COL14A1: variants seen among roughly 807,000 people sequenced by gnomAD.
The protein encoded by COL14A1 is collagen alpha-1(XIV) chain.
In COL14A1, 136 loss-of-function variants were observed where a neutral mutation model predicts 230.3. The ratio of observed to expected loss-of-function variants is 0.59; its 90% CI spans 0.51 to 0.68. The LOEUF (loss-of-function observed/expected upper bound fraction) is 0.68, where lower values mean the gene tolerates loss of function less well. Among genes scored for constraint, COL14A1 ranks in the 30% least tolerant of loss-of-function variants. COL14A1 has a pLI of 0.00. For synonymous variants in COL14A1, 792 were observed against 784.1 expected (o/e 1.01, Z -0.17); for missense variants, 1,976 against 2,215.8 (o/e 0.89, Z 2.17).
chr8:120,192,380 C>G (rs1816858559), intron 5 of COL14A1, among the ~76,000 whole-genome samples: 1 of 152,156 alleles, frequency 6.6e-6, no homozygotes, highest in Admixed American at 6.5e-5. Flanking sequence ...GGCCCCCACT[C>G]TCTTCTGGCT....
At chr8:120,261,273 G>A (rs1398413456) in intron 23 of COL14A1, among the ~76,000 whole-genome samples, 1 of 152,068 alleles carries the variant, frequency 6.6e-6, no homozygotes, top group Non-Finnish European at 1.5e-5. Context: ...ATTAGAATAA[G>A]GACTTGAAGA....
chr8:120,305,269 C>T (rs902068117), intron 36 of COL14A1, among the ~76,000 whole-genome samples: 19 of 152,060 alleles, frequency 1.2e-4, no homozygotes, highest in Admixed American at 4.6e-4. Flanking sequence ...CGTGAGCCAC[C>T]GCACCTGGCC....
chr8:120,348,245 G>A (rs1047990223), intron 45 of COL14A1, among the ~76,000 whole-genome samples: 1 of 145,178 alleles, frequency 6.9e-6, no homozygotes, highest in Admixed American at 7.0e-5. Flanking sequence ...ATATATATAT[G>A]TATATATATG....
At chr8:120,193,957 C>G (rs180933442) in intron 5 of COL14A1, among the ~76,000 whole-genome samples, 33 of 152,286 alleles carry the variant, frequency 2.2e-4, no homozygotes, top group African/African-American at 6.7e-4. Context: ...TCTGTCACCC[C>G]TTTCTTTGAC....
chr8:120,349,175 C>G (rs914083962), intron 45 of COL14A1, among the ~76,000 whole-genome samples: 3 of 151,946 alleles, frequency 2.0e-5, no homozygotes, highest in Non-Finnish European at 4.4e-5. Flanking sequence ...AGCTGAGGGT[C>G]CTGTCTGTTA....
chr8:120,140,976 G>GC (rs1416575658), intron 1 of COL14A1, among the ~76,000 whole-genome samples: 4 of 152,146 alleles, frequency 2.6e-5, no homozygotes, highest in African/African-American at 9.7e-5. Flanking sequence ...GAACTAAGTA[G>GC]CCATTTCTAA....
At chr8:120,287,498 C>T (rs1299010183) in intron 33 of COL14A1, among the ~76,000 whole-genome samples, 4 of 152,122 alleles carry the variant, frequency 2.6e-5, no homozygotes, top group African/African-American at 7.2e-5. Context: ...GAAACATTGT[C>T]ATTTTAGCCC....
intron 18 of COL14A1, among the ~76,000 whole-genome samples, chr8:120,230,447 C>G (rs1818231395): frequency 6.6e-6 from 1 of 152,104 alleles, no homozygotes; most frequent in Admixed American, 6.6e-5. Context: ...CCTTATCAAG[C>G]CTTCTTTGTG....
chr8:120,146,732 G>T (rs932554611), intron 1 of COL14A1, among the ~76,000 whole-genome samples: 2 of 151,788 alleles, frequency 1.3e-5, no homozygotes, highest in African/African-American at 4.8e-5. Context: ...GTGAAATTTG[G>T]CACCGTTATC....
intron 19 of COL14A1, among the ~76,000 whole-genome samples, chr8:120,233,984 C>G (rs756543728): frequency 3.3e-5 from 5 of 152,130 alleles, no homozygotes; most frequent in Non-Finnish European, 7.4e-5. Context: ...TGTGTCCTCT[C>G]TTATTTCCTT....
At chr8:120,353,751 G>T (rs920139777) in intron 45 of COL14A1, among the ~76,000 whole-genome samples, 17 of 151,470 alleles carry the variant, frequency 1.1e-4, no homozygotes, top group Middle Eastern at 3.4e-3. Context: ...ACAGGTGCTG[G>T]AGAGGATGTG....
intron 44 of COL14A1, 108 bp from the exon 45 acceptor site, chr8:120,345,267 G>T: frequency 2.0e-6 from 2 of 977,464 alleles, no homozygotes; most frequent in South Asian, 1.7e-5. Context: ...TTTTTCCCTT[G>T]GTGGGTATCT....
intron 23 of COL14A1, among the ~76,000 whole-genome samples, chr8:120,260,709 C>G (rs1819295353): frequency 6.6e-6 from 1 of 152,116 alleles, no homozygotes; most frequent in Non-Finnish European, 1.5e-5. Context: ...GTGGTAAAAA[C>G]AACAACAATG....
intron 5 of COL14A1, among the ~76,000 whole-genome samples, chr8:120,194,005 GT>G (rs947734281): frequency 2.0e-5 from 3 of 152,272 alleles, no homozygotes; most frequent in Non-Finnish European, 4.4e-5. Context: ...CGCTTCCCGG[GT>G]GAGGCAATGC....
intron 1 of COL14A1, among the ~76,000 whole-genome samples, chr8:120,143,711 A>G (rs1192527168): frequency 2.0e-5 from 3 of 152,162 alleles, no homozygotes; most frequent in African/African-American, 7.2e-5. Context: ...CAAGGGGGTC[A>G]GAGTCTCCAA....
intron 25 of COL14A1, 28 bp from the exon 26 acceptor site, chr8:120,270,006 CT>C: frequency 6.2e-7 from 1 of 1,609,212 alleles, no homozygotes; most frequent in South Asian, 1.1e-5. Flanking sequence ...CCCCTTATCT[CT>C]GACTCAAAAT....
Position 120,325,535 on chromosome 8 carries a change from C to T in COL14A1, c.4660-6606C>T, listed in dbSNP as rs1483124397. ...TGAGACAGAGTCTCACTCTGTTGCC[C>T]AGGCTGGAGTGCAGTGGTGCGATCT... On this transcript the variant is annotated intron_variant, in intron 40 of 47. Coordinates refer to ENST00000297848, the MANE Select transcript of COL14A1 (RefSeq NM_021110.4). Among the ~76,000 whole-genome samples the T allele has an allele frequency of 3.3e-5, 5 of 152,164 alleles. No homozygotes were observed. The East Asian group carries it at 9.6e-4, about 29-fold the overall frequency.
At chr8:120,278,406 A>T (rs1398161695) in intron 27 of COL14A1, 29 bp from the exon 28 acceptor site, 3 of 1,601,008 alleles carry the variant, frequency 1.9e-6, no homozygotes, top group South Asian at 2.3e-5. Flanking sequence ...GAGGGAGTGA[A>T]ATCAAACTGT....
At chr8:120,148,383 G>C (rs376375237) in intron 2 of COL14A1, among the ~76,000 whole-genome samples, 1 of 151,814 alleles carries the variant, frequency 6.6e-6, no homozygotes, top group Non-Finnish European at 1.5e-5. Context: ...TGCCCACCTC[G>C]GCCTCCCGAA....
Sources: allele counts gnomAD v4.1 joint callset (sites outside exome capture counted in the v4.1 genomes callset), GRCh38; gene constraint gnomAD v4.1.1; transcripts MANE v1.5; gene names NCBI Gene and HGNC (gene_info 2026-07-23, HGNC 2026-07-21).